PDE10A: variants seen among roughly 807,000 people sequenced by gnomAD.
PDE10A encodes cAMP and cAMP-inhibited cGMP 3',5'-cyclic phosphodiesterase 10A.
PDE10A carries 39 observed loss-of-function variants against 97.7 expected under a neutral mutation model. The observed-to-expected ratio is 0.40, with a 90% CI of 0.31 to 0.52. PDE10A has a LOEUF of 0.52. Ranked by LOEUF, PDE10A falls within the 20% of genes least tolerant of loss-of-function variation. The pLI is 0.56. For synonymous variants in PDE10A, 371 were observed against 376.8 expected (o/e 0.98, Z 0.18); for missense variants, 731 against 1,047.8 (o/e 0.70, Z 4.17).
At chr6:165,838,276 A>G (rs1249324354) in intron 1 of PDE10A, among the ~76,000 whole-genome samples, 1 of 152,232 alleles carries the variant, frequency 6.6e-6, no homozygotes, top group Non-Finnish European at 1.5e-5. Flanking sequence ...CCTTTTGGCC[A>G]AAACAAAGTG....
chr6:165,984,745 C>G (rs186096413), intron 1 of PDE10A, among the ~76,000 whole-genome samples: 1 of 152,224 alleles, frequency 6.6e-6, no homozygotes, highest in Non-Finnish European at 1.5e-5. Context: ...TGCCCTAGCT[C>G]TGATCTAAAA....
intron 3 of PDE10A, among the ~76,000 whole-genome samples, chr6:165,466,423 A>G (rs201505619): frequency 6.6e-6 from 1 of 152,212 alleles, no homozygotes; most frequent in East Asian, 1.9e-4. Flanking sequence ...ACTTTACCCA[A>G]CAGATGTATT....
intron 2 of PDE10A, among the ~76,000 whole-genome samples, chr6:165,509,546 G>T (rs1781394667): frequency 6.6e-6 from 1 of 151,586 alleles, no homozygotes; most frequent in African/African-American, 2.4e-5. Context: ...TTTTGCTCGG[G>T]ATTGCTTTGG....
At chr6:165,506,794 A>G (rs1444349884) in intron 2 of PDE10A, among the ~76,000 whole-genome samples, 1 of 152,180 alleles carries the variant, frequency 6.6e-6, no homozygotes, top group East Asian at 1.9e-4. Flanking sequence ...GGCACCAGCT[A>G]TAAATAACAC....
At chr6:165,750,147 G>A (rs1043455454) in intron 1 of PDE10A, among the ~76,000 whole-genome samples, 7 of 152,176 alleles carry the variant, frequency 4.6e-5, no homozygotes, top group South Asian at 2.1e-4. Flanking sequence ...GTGGAGAAGC[G>A]AGCAAGGCTT....
chr6:165,915,478 C>T (rs1782580167), intron 1 of PDE10A, among the ~76,000 whole-genome samples: 1 of 152,316 alleles, frequency 6.6e-6, no homozygotes, highest in African/African-American at 2.4e-5. Context: ...CTGTCACATG[C>T]CACAGTGCAG....
chr6:165,988,040 G>T (rs372004113), upstream of PDE10A: 19 of 444,070 alleles, frequency 4.3e-5, no homozygotes, highest in Non-Finnish European at 5.9e-5. Flanking sequence ...TCTCAGGAAC[G>T]ACTCTCCCGG....
At chr6:165,675,394 GATAAAA>G (rs1790766123) in intron 1 of PDE10A, among the ~76,000 whole-genome samples, 1 of 151,984 alleles carries the variant, frequency 6.6e-6, no homozygotes, top group African/African-American at 2.4e-5. Context: ...ATTTTTATTT[GATAAAA>G]ATGAAGTATA....
chr6:165,542,028 T>A (rs2128322327), intron 2 of PDE10A, among the ~76,000 whole-genome samples: 1 of 152,334 alleles, frequency 6.6e-6, no homozygotes, highest in Non-Finnish European at 1.5e-5. Flanking sequence ...AATTATACAT[T>A]TTTATTCATT....
intron 5 of PDE10A, among the ~76,000 whole-genome samples, chr6:165,441,047 T>C (rs1790412969): frequency 6.6e-6 from 1 of 152,228 alleles, no homozygotes; most frequent in South Asian, 2.1e-4. Flanking sequence ...GCACTTTGTC[T>C]ATAGCAGACA....
rs532116818 is a variant in PDE10A, at chr6:165,922,267, A to C, written c.-615+65262T>G. 5.8e-4 allele frequency among the ~76,000 whole-genome samples: 89 copies of C among 152,276 alleles called. 1 individual carries two copies. In the South Asian group the frequency reaches 8.1e-3, roughly 14 times the overall value. Reference sequence around the variant, plus strand: ...GTCTTGATTGCCATCAGAGTACCCCAAGACAGCAGGACTCCTGTGGCCAAG... The same window carrying C: ...GTCTTGATTGCCATCAGAGTACCCCCAGACAGCAGGACTCCTGTGGCCAAG... On this transcript the variant is annotated intron_variant, in intron 1 of 19. Transcript: ENST00000366882.
chr6:165,766,980 T>C (rs1777868230), intron 1 of PDE10A, among the ~76,000 whole-genome samples: 1 of 152,242 alleles, frequency 6.6e-6, no homozygotes, highest in African/African-American at 2.4e-5. Flanking sequence ...TCCCTTGTTT[T>C]ATAATTGAAT....
At chr6:165,693,417 T>C (rs1438283288) in intron 1 of PDE10A, among the ~76,000 whole-genome samples, 3 of 150,278 alleles carry the variant, frequency 2.0e-5, no homozygotes, top group Admixed American at 6.7e-5. Flanking sequence ...TGTAGTCTCA[T>C]CTACTTGGGA....
intron 1 of PDE10A, among the ~76,000 whole-genome samples, chr6:165,569,917 T>G (rs960212191): frequency 6.6e-5 from 10 of 152,174 alleles, no homozygotes; most frequent in African/African-American, 2.4e-4. Context: ...AGGAAAAACT[T>G]TCCAATGTAA....
intron 1 of PDE10A, among the ~76,000 whole-genome samples, chr6:165,833,565 G>A (rs1295087848): frequency 6.6e-6 from 1 of 152,250 alleles, no homozygotes; most frequent in African/African-American, 2.4e-5. Context: ...GCCAGCTGAG[G>A]GCTGGAGGAG....
intron 1 of PDE10A, among the ~76,000 whole-genome samples, chr6:165,586,412 A>G (rs1785915373): frequency 6.6e-6 from 1 of 152,150 alleles, no homozygotes; most frequent in Non-Finnish European, 1.5e-5. Flanking sequence ...CCTCCCTCCC[A>G]CTATGCCACA....
intron 18 of PDE10A, among the ~76,000 whole-genome samples, chr6:165,361,135 A>G (rs977168672): frequency 2.6e-5 from 4 of 152,224 alleles, no homozygotes; most frequent in Admixed American, 6.5e-5. Context: ...ATGCCTAAGC[A>G]TTAGAAGTAA....
chr6:165,714,968 C>T (rs1409484189), intron 1 of PDE10A, among the ~76,000 whole-genome samples: 1 of 152,258 alleles, frequency 6.6e-6, no homozygotes, highest in Admixed American at 6.5e-5. Flanking sequence ...TCCGCAAAGC[C>T]CTGAGGAGCA....
intron 1 of PDE10A, among the ~76,000 whole-genome samples, chr6:165,550,760 C>T (rs1206704372): frequency 1.3e-5 from 2 of 152,086 alleles, no homozygotes; most frequent in African/African-American, 4.8e-5. Context: ...GTTTAGGAAA[C>T]AAGGCTTCTG....
Sources: gnomAD v4.1 joint callset for allele counts (sites outside exome capture counted in the v4.1 genomes callset) on GRCh38, gnomAD v4.1.1 for gene constraint, MANE v1.5 for transcripts, NCBI Gene and HGNC (gene_info 2026-07-23, HGNC 2026-07-21) for gene names.